Variants in RPL11 observed in about 807,000 individuals in gnomAD.
RPL11 encodes the protein ribosomal protein L11, also known as large ribosomal subunit protein uL5.
Under a neutral mutation model 24.1 loss-of-function variants are expected in RPL11, and 3 were observed. The observed-to-expected ratio is 0.12, with a 90% CI of 0.06 to 0.32. The LOEUF (loss-of-function observed/expected upper bound fraction) is 0.32, where lower values mean the gene tolerates loss of function less well. Ranked by LOEUF, RPL11 falls within the 10% of genes least tolerant of loss-of-function variation. RPL11 has a pLI of 1.00. For missense variants in RPL11, 146 were observed against 225.7 expected, an observed-to-expected ratio of 0.65 and a Z score of 2.26; for synonymous variants, 96 against 75.7, an observed-to-expected ratio of 1.27 and a Z score of -1.39.
At chr1:23,692,030 C>T (rs1375197742) in intron 1 of RPL11, 3 of 715,010 alleles carry the variant, frequency 4.2e-6, no homozygotes, top group Non-Finnish European at 7.0e-6. Context: ...GGAGCGGCTC[C>T]GGGCACTTGC....
chr1:23,693,801 C>A lies in RPL11; in HGVS notation c.158-6C>A, dbSNP rs1644516607. 1.9e-6 allele frequency: 3 copies of A among 1,612,058 alleles called. No homozygotes were observed. The African/African-American group carries it at 4.0e-5, about 22-fold the overall frequency. On this transcript the variant is annotated splice_region_variant and splice_polypyrimidine_tract_variant and intron_variant, in intron 2 of 5. Coordinates refer to ENST00000643754, the MANE Select transcript of RPL11 (RefSeq NM_000975.5). Reference sequence around the variant, plus strand: ...CATCTGACTCCTTGTTACCCACTTCCTGCAGCTAGATACACTGTCAGATCC... The same window carrying A: ...CATCTGACTCCTTGTTACCCACTTCATGCAGCTAGATACACTGTCAGATCC...
chr1:23,696,011 T>C (rs1644530887), intron 5 of RPL11, 103 bp downstream of exon 5: 1 of 1,166,072 alleles, frequency 8.6e-7, no homozygotes, highest in African/African-American at 1.5e-5. Context: ...GGTATCTTCT[T>C]TAAAGTTAGA....
chr1:23,694,053 G>A (rs1473549013), intron 3 of RPL11, 140 bp downstream of exon 3: 1 of 728,866 alleles, frequency 1.4e-6, no homozygotes, highest in South Asian at 1.5e-5. Context: ...TCTACAATCA[G>A]CAGGGTTAAA....
chr1:23,693,947 C>T, intron 3 of RPL11, 34 bp downstream of exon 3: 1 of 1,417,696 alleles, frequency 7.1e-7, no homozygotes, highest in South Asian at 1.1e-5. Context: ...TGATATTGAT[C>T]AGCACTCCTT....
chr1:23,694,905 CT>C, intron 4 of RPL11, 114 bp downstream of exon 4: 1 of 1,510,140 alleles, frequency 6.6e-7, no homozygotes, highest in African/African-American at 1.4e-5. Context: ...TATTGTCTGC[CT>C]TTGTGTTCTC....
intron 1 of RPL11, 141 bp downstream of exon 1, chr1:23,691,970 G>A: frequency 1.8e-6 from 2 of 1,131,460 alleles, no homozygotes; most frequent in Non-Finnish European, 2.7e-6. Flanking sequence ...AGAGCCGTTC[G>A]AGCCAAGGAC....
At position 23,693,820 on chromosome 1, in the gene RPL11, C is replaced by G. The variant is rs149087936; in HGVS notation, c.171C>G (p.Val57=). ...CACTTCCTGCAGCTAGATACACTGT[C>G]AGATCCTTTGGCATCCGGAGAAATG... ...TPVFSKARYT[V]RSFGIRRNEK... The change falls in exon 3 of 6, where the codon GTC becomes GTG. Residue 57 remains valine (V), a synonymous_variant. Coordinates refer to ENST00000643754, the MANE Select transcript of RPL11 (RefSeq NM_000975.5). The G allele has an allele frequency of 5.3e-5, 86 of 1,614,018 alleles. No individual in the cohort carries two copies. The African/African-American group carries it at 1.1e-3, about 20-fold the overall frequency.
At chr1:23,691,959 C>T (rs186301107) in intron 1 of RPL11, 130 bp downstream of exon 1, 5 of 1,224,736 alleles carry the variant, frequency 4.1e-6, no homozygotes, top group Admixed American at 1.7e-5. Flanking sequence ...CCAAAACTAG[C>T]AGAGCCGTTC....
At chr1:23,695,632 C>A (rs1376750724) in intron 4 of RPL11, 166 bp from the exon 5 acceptor site, 2 of 691,702 alleles carry the variant, frequency 2.9e-6, no homozygotes, top group African/African-American at 1.8e-5. Flanking sequence ...CTGTGTGTTG[C>A]GTGGGATGCT....
At chr1:23,695,730 G>A in intron 4 of RPL11, 68 bp from the exon 5 acceptor site, 5 of 1,362,382 alleles carry the variant, frequency 3.7e-6, no homozygotes, top group Non-Finnish European at 5.1e-6. Flanking sequence ...TGTCTGTAAT[G>A]TGTGAGTCTT....
intron 4 of RPL11, 60 bp downstream of exon 4, chr1:23,694,851 A>G (rs945773634): frequency 1.9e-6 from 3 of 1,610,340 alleles, no homozygotes; most frequent in Non-Finnish European, 2.5e-6. Flanking sequence ...TCTTTATTTC[A>G]TATGTGGTAT....
rs139286202 is a variant in RPL11 at position 23,692,632 on chromosome 1, C to T, written c.30C>T (p.Asn10=). The change falls in exon 2 of 6, where the codon AAC becomes AAT. Residue 10 remains asparagine (N), a synonymous_variant. Coordinates refer to ENST00000643754, the MANE Select transcript of RPL11 (RefSeq NM_000975.5). ...AGCAGGATCAAGGTGAAAAGGAGAA[C>T]CCCATGCGGGAACTTCGCATCCGCA... MAQDQGEKE[N]PMRELRIRKL... 1,710 of 1,614,138 alleles carry T rather than the reference C, an allele frequency of 1.1e-3. No individual in the cohort carries two copies. Among genetic ancestry groups the T allele is most frequent in the Non-Finnish European group, 1.3e-3 (1,590 of 1,180,022 alleles).
chr1:23,696,453 C>G lies in RPL11; in HGVS notation c.*80C>G. 2.1e-6 allele frequency: 3 copies of G among 1,451,078 alleles called. No individual in the cohort carries two copies. The highest frequency in any genetic ancestry group is 1.2e-5 in the South Asian group (1 of 86,688). 89.9% of individuals were successfully genotyped at this position (1,451,078 alleles called of 1,614,324 possible). A position where few individuals can be genotyped will look rare whatever the true frequency, so the allele number is the denominator to read the frequency against. On this transcript the variant is annotated 3_prime_UTR_variant, in exon 6 of 6. Coordinates refer to ENST00000643754, the MANE Select transcript of RPL11 (RefSeq NM_000975.5). ...CTGTTGTGTGTTCTGTGAAAGGATC[C>G]TGGCCATATTCAAGTCCTTGGACCT... is the stretch of plus-strand genomic sequence containing the variant.
Position 23,693,873 on chromosome 1 carries a change from G to A in RPL11, c.224G>A (p.Arg75Gln), listed in dbSNP as rs200331226. 6.2e-7 allele frequency: 1 copy of A among 1,614,166 alleles called. No homozygotes were observed. The highest frequency in any genetic ancestry group is 1.1e-5 in the South Asian group (1 of 91,086). Residue 75 changes from arginine (R) to glutamine (Q), a missense_variant, in exon 3 of 6, where the codon CGA becomes CAA. By Grantham distance (43) the Arg-to-Gln change is conservative. Transcript: ENST00000643754. ...AAGATTGCTGTCCACTGCACAGTTCGAGGGGCCAAGGCAGAAGAAATCTTG... is the reference window on the plus strand; with the variant it reads ...AAGATTGCTGTCCACTGCACAGTTCAAGGGGCCAAGGCAGAAGAAATCTTG... ...NEKIAVHCTV[R>Q]GAKAEEILEK...
chr1:23,695,836 G>A lies in RPL11; in HGVS notation c.435G>A (p.Lys145=), dbSNP rs11556040. Residue 145 remains lysine, a synonymous_variant, in exon 5 of 6, where the codon AAG becomes AAA. Transcript: ENST00000643754. ...CAGGTTTCAGCATCGCAGACAAGAAGCGCAGGACAGGCTGCATTGGGGCCA... is the reference window on the plus strand; with the variant it reads ...CAGGTTTCAGCATCGCAGACAAGAAACGCAGGACAGGCTGCATTGGGGCCA... ...GRPGFSIADK[K]RRTGCIGAKH... 1.2e-6 allele frequency: 2 copies of A among 1,600,880 alleles called. No individual in the cohort carries two copies.
chr1:23,693,298 G>A (rs1481338808), intron 2 of RPL11, among the ~76,000 whole-genome samples: 2 of 152,198 alleles, frequency 1.3e-5, no homozygotes, highest in African/African-American at 4.8e-5. Context: ...AATTGTGGAA[G>A]ATAAAATGAG....
Position 23,692,771 on chromosome 1 carries a change from CA to C in RPL11, c.157+14del. ...TGTGTTTTCCAAAGGTGAGTAGTCA[CA>C]AGGACATACAGGGTTTGCCTGCTTG... On this transcript the variant is annotated intron_variant, in intron 2 of 5. Coordinates refer to ENST00000643754, the MANE Select transcript of RPL11 (RefSeq NM_000975.5). The C allele has an allele frequency of 6.2e-7, 1 of 1,612,830 alleles. No homozygotes were observed. The highest frequency in any genetic ancestry group is 8.5e-7 in the Non-Finnish European group (1 of 1,179,830).
At chr1:23,693,435 T>C (rs6699854) in intron 2 of RPL11, among the ~76,000 whole-genome samples, 1 of 152,212 alleles carries the variant, frequency 6.6e-6, no homozygotes, top group Non-Finnish European at 1.5e-5. Flanking sequence ...CTGTAAAATA[T>C]GGATAACAGT....
chr1:23,693,934 G>A lies in RPL11; in HGVS notation c.264+21G>A, dbSNP rs766443970. ...TAAAGGTGAGCCTAATCCCCTAATG[G>A]AGTGATATTGATCAGCACTCCTTTA... On this transcript the variant is annotated intron_variant, in intron 3 of 5. Coordinates refer to ENST00000643754, the MANE Select transcript of RPL11 (RefSeq NM_000975.5). 9 of 1,543,788 alleles carry A rather than the reference G, an allele frequency of 5.8e-6. No homozygotes were observed. In the South Asian group the frequency reaches 1.0e-4, roughly 17 times the overall value.
Sources: allele counts gnomAD v4.1 joint callset (sites outside exome capture counted in the v4.1 genomes callset), GRCh38; gene constraint gnomAD v4.1.1; transcripts MANE v1.5; gene names NCBI Gene and HGNC (gene_info 2026-07-23, HGNC 2026-07-21).